The following TRPC7 variants were observed in gnomAD, a reference collection of about 807,000 sequenced individuals.
TRPC7 encodes the protein transient receptor potential cation channel subfamily C member 7.
Under a neutral mutation model 90.1 loss-of-function variants are expected in TRPC7, and 42 were observed. The ratio of observed to expected loss-of-function variants is 0.47; its 90% confidence interval spans 0.36 to 0.60. The LOEUF (loss-of-function observed/expected upper bound fraction) is 0.60, where lower values mean the gene tolerates loss of function less well. Among genes scored for constraint, TRPC7 ranks in the 20% least tolerant of loss-of-function variants. The pLI is 0.00. For synonymous variants in TRPC7, 451 were observed against 436.3 expected, an observed-to-expected ratio of 1.03 and a Z score of -0.42; for missense variants, 955 against 1,112.3, an observed-to-expected ratio of 0.86 and a Z score of 2.01.
intron 2 of TRPC7, among the ~76,000 whole-genome samples, chr5:136,355,314 TC>T (rs1364406097): frequency 1.3e-5 from 2 of 152,214 alleles, no homozygotes; most frequent in African/African-American, 4.8e-5. Flanking sequence ...AAGAGTTGAC[TC>T]TGGGGTCTGA....
intron 3 of TRPC7, among the ~76,000 whole-genome samples, chr5:136,294,060 A>C (rs1272069341): frequency 6.6e-6 from 1 of 152,220 alleles, no homozygotes; most frequent in Non-Finnish European, 1.5e-5. Flanking sequence ...CTATTTAATA[A>C]ATGGTGCTGG....
intron 2 of TRPC7, among the ~76,000 whole-genome samples, chr5:136,321,973 C>T (rs1561718220): frequency 4.6e-5 from 7 of 151,910 alleles, no homozygotes; most frequent in Admixed American, 4.6e-4. Flanking sequence ...CAGTATTTGA[C>T]ATTTGGGAAT....
chr5:136,213,642 G>T lies in TRPC7; in HGVS notation c.2420-38C>A, dbSNP rs558151708. 1.9e-6 allele frequency: 3 copies of T among 1,609,282 alleles called. No homozygotes were observed. The African/African-American group carries it at 4.0e-5, about 22-fold the overall frequency. On this transcript the variant is annotated intron_variant, in intron 11 of 11. Transcript: ENST00000513104. Reference sequence around the variant, plus strand: ...AGGAGATTTTGCTGAGTCTGAGTAGGTGGAAGCTCGGGGCTTGTCCCATGC... The same window carrying T: ...AGGAGATTTTGCTGAGTCTGAGTAGTTGGAAGCTCGGGGCTTGTCCCATGC...
At chr5:136,333,452 G>A (rs1173193501) in intron 2 of TRPC7, among the ~76,000 whole-genome samples, 1 of 152,188 alleles carries the variant, frequency 6.6e-6, no homozygotes, top group East Asian at 1.9e-4. Context: ...GGATCATGGA[G>A]GATTTTGTAT....
Position 136,233,449 on chromosome 5 carries a change from A to C in TRPC7, c.1845-1900T>G, listed in dbSNP as rs180835690. ...GCAGTACTGTGTCCCATTATGAACA[A>C]TCTTTCAGTTATCACACTCGTGGAA... On this transcript the variant is annotated intron_variant, in intron 7 of 11. Transcript: ENST00000513104. Among the ~76,000 whole-genome samples, 103 of 152,276 alleles carry C rather than the reference A, an allele frequency of 6.8e-4. 1 individual carries two copies. The Middle Eastern group carries it at 0.01, about 15-fold the overall frequency.
At chr5:136,353,578 C>A (rs1760267785) in intron 2 of TRPC7, among the ~76,000 whole-genome samples, 1 of 152,156 alleles carries the variant, frequency 6.6e-6, no homozygotes, top group African/African-American at 2.4e-5. Flanking sequence ...GACTTCTTTC[C>A]TGCTAAGCTG....
At chr5:136,318,326 T>C (rs940441320) in intron 2 of TRPC7, among the ~76,000 whole-genome samples, 1 of 152,200 alleles carries the variant, frequency 6.6e-6, no homozygotes, top group Non-Finnish European at 1.5e-5. Flanking sequence ...CTGCCAGATC[T>C]AATGGGTGAC....
At chr5:136,358,420 T>A (rs556905306) in intron 1 of TRPC7, among the ~76,000 whole-genome samples, 1 of 152,320 alleles carries the variant, frequency 6.6e-6, no homozygotes, top group African/African-American at 2.4e-5. Flanking sequence ...CTTGTGTAAT[T>A]CTTGCATCAA....
intron 5 of TRPC7, among the ~76,000 whole-genome samples, chr5:136,252,277 C>T (rs191261442): frequency 3.3e-4 from 50 of 152,264 alleles, no homozygotes; most frequent in East Asian, 2.1e-3. Context: ...AAGGTCCCCC[C>T]ACTCCATGCC....
chr5:136,265,761 C>T (rs1236795931), intron 5 of TRPC7, among the ~76,000 whole-genome samples: 2 of 151,940 alleles, frequency 1.3e-5, no homozygotes, highest in Admixed American at 6.6e-5. Flanking sequence ...AATGTTACTC[C>T]CGTGAATTTT....
At chr5:136,345,560 C>CAA (rs530830476) in intron 2 of TRPC7, among the ~76,000 whole-genome samples, 3 of 144,890 alleles carry the variant, frequency 2.1e-5, no homozygotes, top group East Asian at 2.0e-4. Flanking sequence ...GACTCCGCCT[C>CAA]AAAAAAAAAA....
rs576856480 is a variant in TRPC7 at position 136,259,355 on chromosome 5, C to T, written c.1345+6865G>A. ...TCTCACTGGTTAGGAACTCATTCAC[C>T]CACTTAACAGACATTGTTGAGCTCC... On this transcript the variant is annotated intron_variant, in intron 5 of 11. Transcript: ENST00000513104. Among the ~76,000 whole-genome samples, 7 of 152,308 alleles carry T rather than the reference C, an allele frequency of 4.6e-5. No homozygotes were observed. The South Asian group carries it at 1.2e-3, about 27-fold the overall frequency.
At chr5:136,244,243 G>T (rs1416107586) in intron 7 of TRPC7, among the ~76,000 whole-genome samples, 3 of 136,854 alleles carry the variant, frequency 2.2e-5, no homozygotes, top group African/African-American at 8.1e-5. Context: ...TCACTGTATT[G>T]CCCAGGCTGG....
At chr5:136,291,802 T>G (rs1005559515) in intron 3 of TRPC7, among the ~76,000 whole-genome samples, 1 of 152,096 alleles carries the variant, frequency 6.6e-6, no homozygotes, top group Non-Finnish European at 1.5e-5. Flanking sequence ...CTAATAGACA[T>G]CTACAGAACT....
chr5:136,235,183 C>T (rs534473968), intron 7 of TRPC7, among the ~76,000 whole-genome samples: 25 of 152,040 alleles, frequency 1.6e-4, no homozygotes, highest in African/African-American at 5.3e-4. Context: ...TATTTGCAAA[C>T]GTAAGACAAA....
At chr5:136,228,376 G>C (rs1428408003) in intron 8 of TRPC7, among the ~76,000 whole-genome samples, 1 of 151,798 alleles carries the variant, frequency 6.6e-6, no homozygotes, top group African/African-American at 2.4e-5. Context: ...CGGCAGTAAG[G>C]AGCAGGGGAG....
chr5:136,274,181 C>T (rs1412449989), intron 4 of TRPC7, among the ~76,000 whole-genome samples: 1 of 152,158 alleles, frequency 6.6e-6, no homozygotes, highest in Non-Finnish European at 1.5e-5. Flanking sequence ...GTGTTTGACT[C>T]CCAGCCTACT....
chr5:136,342,952 C>T (rs570804930), intron 2 of TRPC7, among the ~76,000 whole-genome samples: 29 of 152,036 alleles, frequency 1.9e-4, no homozygotes, highest in Non-Finnish European at 4.0e-4. Context: ...GAAACAGAAA[C>T]ATGTATTTGG....
chr5:136,306,246 A>G (rs1228976291), intron 3 of TRPC7, among the ~76,000 whole-genome samples: 3 of 152,146 alleles, frequency 2.0e-5, no homozygotes, highest in Non-Finnish European at 4.4e-5. Flanking sequence ...GCACTCTCTA[A>G]TCATATGTCC....
Sources: allele counts gnomAD v4.1 joint callset (sites outside exome capture counted in the v4.1 genomes callset), GRCh38; gene constraint gnomAD v4.1.1; transcripts MANE v1.5; gene names NCBI Gene and HGNC (gene_info 2026-07-23, HGNC 2026-07-21).